Variants in FADS3 observed in about 807,000 individuals in gnomAD.
FADS3 encodes the protein cytochrome b5-related protein.
Under a neutral mutation model 60.4 loss-of-function variants are expected in FADS3, and 30 were observed. The observed-to-expected ratio is 0.50, with a 90% CI of 0.37 to 0.67. The LOEUF (loss-of-function observed/expected upper bound fraction) is 0.67. FADS3 is among the 30% of genes least tolerant of loss of function. The pLI, the probability that FADS3 is intolerant of heterozygous loss-of-function variation, is 0.00. For missense variants in FADS3, 432 were observed against 598.3 expected (o/e 0.72, Z 2.90); for synonymous variants, 234 against 249.3 (o/e 0.94, Z 0.58).
chr11:61,873,776 G>A lies in FADS3; in HGVS notation c.*38C>T. ...CCGCCGGGGGCTGGCTTGGTTGCTG[G>A]TGCCCTGAGCCCTTCTCTGCCCGCC... On this transcript the variant is annotated 3_prime_UTR_variant, in exon 12 of 12. Transcript: ENST00000278829. 2 of 1,576,424 alleles carry A rather than the reference G, an allele frequency of 1.3e-6. No individual in the cohort carries two copies. The highest frequency in any genetic ancestry group is 1.7e-6 in the Non-Finnish European group (2 of 1,153,642).
In FADS3 at chr11:61,876,306, C is replaced by G. The variant is rs2135990702; in HGVS notation, c.1080+53G>C. 1.3e-6 allele frequency: 2 copies of G among 1,599,404 alleles called. No individual in the cohort carries two copies. Among genetic ancestry groups the G allele is most frequent in the East Asian group, 4.5e-5 (2 of 44,612 alleles). On this transcript the variant is annotated intron_variant, in intron 9 of 11. Transcript: ENST00000278829. The surrounding 1 kb of genome is among the most constrained non-coding windows in gnomAD (Gnocchi z 5.7). ...CTCATCCCTGCTTTGCCATCTGGCTCCTAGCTGGGACCCCCCACCCCACCC... is the reference window on the plus strand; with the variant it reads ...CTCATCCCTGCTTTGCCATCTGGCTGCTAGCTGGGACCCCCCACCCCACCC...
chr11:61,887,105 C>T (rs528329231), intron 1 of FADS3, among the ~76,000 whole-genome samples: 2 of 152,270 alleles, frequency 1.3e-5, no homozygotes, highest in Non-Finnish European at 2.9e-5. Context: ...CCAGCACCAC[C>T]CTCATAGTGT....
chr11:61,889,049 C>G (rs1431229574), intron 1 of FADS3, among the ~76,000 whole-genome samples: 2 of 140,826 alleles, frequency 1.4e-5, no homozygotes, highest in Non-Finnish European at 3.2e-5. Flanking sequence ...GCATGCGCCA[C>G]CACGCCTGGC....
intron 1 of FADS3, among the ~76,000 whole-genome samples, chr11:61,888,965 G>A (rs1231264067): frequency 2.6e-5 from 4 of 152,160 alleles, no homozygotes; most frequent in East Asian, 1.9e-4. Context: ...GCGCGATCTC[G>A]GCTCACCGGA....
chr11:61,881,177 AAATG>A (rs139528358), intron 1 of FADS3: 6,013 of 152,278 alleles, frequency 0.039, 170 homozygotes, highest in Admixed American at 0.072. Flanking sequence ...ATCATAAATA[AAATG>A]AATAATCCAA....
At chr11:61,874,627 T>C (rs1250200175) in intron 11 of FADS3, among the ~76,000 whole-genome samples, 1 of 152,218 alleles carries the variant, frequency 6.6e-6, no homozygotes, top group Non-Finnish European at 1.5e-5. Context: ...TCTGAGTGCC[T>C]GCATGCCTGC....
At position 61,876,149 on chromosome 11, in the gene FADS3, GT is replaced by G. The variant is rs770742173; in HGVS notation, c.1121del (p.Asn374ThrfsTer44). 6.2e-7 allele frequency: 1 copy of G among 1,609,084 alleles called. No individual in the cohort carries two copies. Among genetic ancestry groups the G allele is most frequent in the Non-Finnish European group, 8.5e-7 (1 of 1,178,076 alleles). ...GGAAGTTGAGGTGCCCGCTGAACCAGTTGGTGAAAAGTGAGGGCTCCACGTT... is the reference window on the plus strand; with the variant it reads ...GGAAGTTGAGGTGCCCGCTGAACCAGTGGTGAAAAGTGAGGGCTCCACGTT... ...TCNVEPSLFT[N>X]WFSGHLNFQI... On this transcript the variant is annotated frameshift_variant, in exon 10 of 12. Coordinates refer to ENST00000278829, the MANE Select transcript of FADS3 (RefSeq NM_021727.5). LOFTEE classifies it high-confidence loss of function. This position sits in a 1 kb window ranked among gnomAD's most constrained non-coding sequence, Gnocchi z 5.7.
chr11:61,875,559 C>A (rs994386947), intron 11 of FADS3, among the ~76,000 whole-genome samples: 1 of 152,122 alleles, frequency 6.6e-6, no homozygotes, highest in African/African-American at 2.4e-5. Context: ...GTTTATGAGT[C>A]CCTGTTAAGT....
At position 61,876,212 on chromosome 11, in the gene FADS3, C is replaced by T. The variant is rs1229120012; in HGVS notation, c.1081-22G>A. ...CCAGCTGCCGGAAGCCGGCGGGGCA[C>T]ATGTGAGGAGGCCGTTGCAGATCCC... On this transcript the variant is annotated intron_variant, in intron 9 of 11. Coordinates refer to ENST00000278829, the MANE Select transcript of FADS3 (RefSeq NM_021727.5). The surrounding 1 kb of genome is among the most constrained non-coding windows in gnomAD (Gnocchi z 5.7). 1 of 1,588,252 alleles carries T rather than the reference C, an allele frequency of 6.3e-7. No individual in the cohort carries two copies. The highest frequency in any genetic ancestry group is 8.6e-7 in the Non-Finnish European group (1 of 1,167,922).
intron 1 of FADS3, among the ~76,000 whole-genome samples, chr11:61,888,653 T>G (rs1938392940): frequency 6.6e-6 from 1 of 152,130 alleles, no homozygotes; most frequent in African/African-American, 2.4e-5. Flanking sequence ...ACGCTGCAGT[T>G]TGCAGGGCAC....
rs2135990355 is a variant in FADS3, at chr11:61,876,052, A to G, written c.1160+59T>C. ...AGGCCCCACCCACGGGTCCCCTCCC[A>G]GGATCCCCTCCCAGGACCCCCTCCC... On this transcript the variant is annotated intron_variant, in intron 10 of 11. Transcript: ENST00000278829. This position sits in a 1 kb window ranked among gnomAD's most constrained non-coding sequence, Gnocchi z 5.7. 1 of 1,489,146 alleles carries G rather than the reference A, an allele frequency of 6.7e-7. No homozygotes were observed. The highest frequency in any genetic ancestry group is 1.1e-5 in the South Asian group (1 of 88,458). The allele number at this position is 1,489,146 out of a possible 1,614,324, so 92.2% of individuals were successfully genotyped here.
Position 61,878,620 on chromosome 11 carries a change from G to A in FADS3, c.639C>T (p.His213=). ...GCTGGAAGTGGCGGAAGTTCCACCA[G>A]TGGGCGGAGAAGCCCTGTGGAGGAG... ...VMGQLKGFSA[H]WWNFRHFQHH... Residue 213 remains histidine (H), a synonymous_variant, in exon 5 of 12, where the codon CAC becomes CAT. Coordinates refer to ENST00000278829, the MANE Select transcript of FADS3 (RefSeq NM_021727.5). 6.2e-7 allele frequency: 1 copy of A among 1,614,198 alleles called. No homozygotes were observed. Among genetic ancestry groups the A allele is most frequent in the Non-Finnish European group, 8.5e-7 (1 of 1,180,020 alleles).
At chr11:61,874,836 C>T (rs1244071355) in intron 11 of FADS3, among the ~76,000 whole-genome samples, 3 of 152,208 alleles carry the variant, frequency 2.0e-5, no homozygotes, top group Non-Finnish European at 4.4e-5. Context: ...CTCCCCTGTC[C>T]CCACCCTGAG....
chr11:61,875,709 G>A lies in FADS3; in HGVS notation c.1286+142C>T, dbSNP rs1055937969. 19 of 1,003,938 alleles carry A rather than the reference G, an allele frequency of 1.9e-5. 1 individual carries two copies. The South Asian group carries it at 3.1e-4, about 16-fold the overall frequency. The allele number at this position is 1,003,938 out of a possible 1,614,324, so 62.2% of individuals were successfully genotyped here. A position where few individuals can be genotyped will look rare whatever the true frequency, so the allele number is the denominator to read the frequency against. ...CAGAAATTCTCACTGTGTGCGTGAA[G>A]GCTGGGGAAGGGAGGAAGGGCATGG... On this transcript the variant is annotated intron_variant, in intron 11 of 11. Transcript: ENST00000278829.
chr11:61,878,914 T>C, intron 3 of FADS3, 67 bp from the exon 4 acceptor site: 3 of 1,370,454 alleles, frequency 2.2e-6, no homozygotes, highest in Non-Finnish European at 3.1e-6. Flanking sequence ...GGGGCCCCAG[T>C]GAATCCTTTC....
chr11:61,876,859 G>GC lies in FADS3; in HGVS notation c.983+6dup. The GC allele has an allele frequency of 6.2e-7, 1 of 1,603,362 alleles. No individual in the cohort carries two copies. The highest frequency in any genetic ancestry group is 8.5e-7 in the Non-Finnish European group (1 of 1,175,052). ...CCTGTGTGTGACCTCGCCACTCCCTGCCATACCTGACAGCAACAAAGAAGA... is the reference window on the plus strand; with the variant it reads ...CCTGTGTGTGACCTCGCCACTCCCTGCCCATACCTGACAGCAACAAAGAAGA... On this transcript the variant is annotated splice_region_variant and intron_variant, in intron 8 of 11. Transcript: ENST00000278829. The surrounding 1 kb of genome is among the most constrained non-coding windows in gnomAD (Gnocchi z 5.7).
At chr11:61,892,127 G>A (rs546525642), upstream of FADS3, 1 of 152,472 alleles carries the variant, frequency 6.6e-6, no homozygotes, top group Admixed American at 6.5e-5. Context: ...GGCGCTGCAG[G>A]GCTGGGGATG....
rs535452623 is a variant in FADS3, at chr11:61,886,545, C to T, written c.213+4624G>A. On this transcript the variant is annotated intron_variant, in intron 1 of 11. Transcript: ENST00000278829. ...AGTGGAGTGGCTCTGGAGCCACCCC[C>T]CAACCAACTCCTGTGGCCTCAGATC... Among the ~76,000 whole-genome samples, 8 of 152,214 alleles carry T rather than the reference C, an allele frequency of 5.3e-5. No homozygotes were observed. In the South Asian group the frequency reaches 6.2e-4, roughly 12 times the overall value.
chr11:61,880,402 G>C, intron 1 of FADS3: 1 of 331,548 alleles, frequency 3.0e-6, no homozygotes, highest in Non-Finnish European at 5.5e-6. Context: ...GCCCCTCTCT[G>C]AACACGGTCA....
Sources: allele counts gnomAD v4.1 joint callset (sites outside exome capture counted in the v4.1 genomes callset), GRCh38; gene constraint gnomAD v4.1.1; non-coding constraint Gnocchi (gnomAD v3.1); transcripts MANE v1.5; gene names NCBI Gene and HGNC (gene_info 2026-07-23, HGNC 2026-07-21).